The following BMPER variants were observed in gnomAD, a reference collection of about 807,000 sequenced individuals.
BMPER encodes the protein BMP binding endothelial regulator, also known as BMP-binding endothelial regulator protein.
BMPER carries 45 observed loss-of-function variants against 87.3 expected under a neutral mutation model. That is an observed-to-expected ratio of 0.52 (90% CI 0.41 to 0.66). The LOEUF is 0.66. Among genes scored for constraint, BMPER ranks in the 30% least tolerant of loss-of-function variants. The pLI is 0.00. For synonymous variants in BMPER, 326 were observed against 316.2 expected, an observed-to-expected ratio of 1.03 and a Z score of -0.33; for missense variants, 784 against 867.5, an observed-to-expected ratio of 0.90 and a Z score of 1.21.
intron 8 of BMPER, among the ~76,000 whole-genome samples, chr7:34,052,958 G>A (rs185637342): frequency 2.4e-4 from 36 of 152,214 alleles, no homozygotes; most frequent in African/African-American, 8.2e-4. Context: ...TATAGCACCC[G>A]CTTCTTGCCT....
At position 33,932,284 on chromosome 7, in the gene BMPER, A is replaced by T. The variant is rs12534279; in HGVS notation, c.220-5005A>T. Reference sequence around the variant, plus strand: ...GACTACCGGGATGGAATAACAGGGCACCCCGCCACTTTATTCCCAGCAGTC... The same window carrying T: ...GACTACCGGGATGGAATAACAGGGCTCCCCGCCACTTTATTCCCAGCAGTC... On this transcript the variant is annotated intron_variant, in intron 2 of 14. Transcript: ENST00000649409. 0.011 allele frequency among the ~76,000 whole-genome samples: 1,739 copies of T among 151,930 alleles called. 63 individuals are homozygous for T. The East Asian group carries it at 0.13, about 11-fold the overall frequency.
At chr7:34,019,421 T>C (rs1242038802) in intron 6 of BMPER, among the ~76,000 whole-genome samples, 3 of 152,004 alleles carry the variant, frequency 2.0e-5, no homozygotes, top group African/African-American at 7.2e-5. Flanking sequence ...CTTCTGGGAA[T>C]CAAGACACAT....
At position 33,937,556 on chromosome 7, in the gene BMPER, ATGTG is replaced by A. The variant is rs1313159886; in HGVS notation, c.319+172_319+175del. On this transcript the variant is annotated intron_variant, in intron 3 of 14. Coordinates refer to ENST00000649409, the MANE Select transcript of BMPER (RefSeq NM_001365308.1). ...TGTGTGTATGTGTGTGTTTGTGTGT[ATGTG>A]TGTATCTGGGGCTGGAAGGAAGGGG... The A allele has an allele frequency of 1.0e-4, 55 of 529,722 alleles. No homozygotes were observed. In the East Asian group the frequency reaches 1.1e-3, roughly 11 times the overall value. The allele number at this position is 529,722 out of a possible 1,614,324, so 32.8% of individuals were successfully genotyped here. A position where few individuals can be genotyped will look rare whatever the true frequency, so the allele number is the denominator to read the frequency against.
At chr7:33,974,851 C>T in intron 6 of BMPER, 67 bp downstream of exon 6, 1 of 1,439,534 alleles carries the variant, frequency 6.9e-7, no homozygotes, top group Non-Finnish European at 9.8e-7. Flanking sequence ...TCACCAAGAG[C>T]ACCCCCGGTC....
At chr7:34,091,778 T>A (rs7811181) in intron 13 of BMPER, among the ~76,000 whole-genome samples, 42,048 of 152,098 alleles carry the variant, frequency 0.28, 6,203 homozygotes, top group Middle Eastern at 0.33. Context: ...AAAAATTTTT[T>A]AAAAATGCAA....
chr7:34,067,715 A>T (rs1788629975), intron 11 of BMPER, among the ~76,000 whole-genome samples: 1 of 152,226 alleles, frequency 6.6e-6, no homozygotes, highest in Admixed American at 6.5e-5. Context: ...CTCAGGCCCA[A>T]ACAGCAGACA....
chr7:34,129,799 C>T (rs1790533339), intron 13 of BMPER, among the ~76,000 whole-genome samples: 1 of 152,090 alleles, frequency 6.6e-6, no homozygotes, highest in Non-Finnish European at 1.5e-5. Flanking sequence ...TTCATCTTGT[C>T]CCTTGTCTGG....
chr7:34,060,140 T>G (rs1180959856), intron 10 of BMPER, among the ~76,000 whole-genome samples: 1 of 152,198 alleles, frequency 6.6e-6, no homozygotes, highest in Non-Finnish European at 1.5e-5. Flanking sequence ...AATTGCATAT[T>G]ACACAGGTGC....
At chr7:34,153,061 T>C (rs749267601) in intron 14 of BMPER, 31 bp from the exon 15 acceptor site, 1 of 1,613,216 alleles carries the variant, frequency 6.2e-7, no homozygotes, top group South Asian at 1.1e-5. Flanking sequence ...CCTTTCTCCA[T>C]GTTATGCCTT....
At chr7:33,984,446 CAG>C (rs1785945885) in intron 6 of BMPER, among the ~76,000 whole-genome samples, 1 of 151,664 alleles carries the variant, frequency 6.6e-6, no homozygotes, top group Non-Finnish European at 1.5e-5. Context: ...GCCTGGGCAA[CAG>C]AGCAAGAGTC....
intron 8 of BMPER, 65 bp from the exon 9 acceptor site, chr7:34,055,098 C>T: frequency 6.2e-7 from 1 of 1,606,442 alleles, no homozygotes; most frequent in Non-Finnish European, 8.5e-7. Context: ...GAAAGGAAGG[C>T]CAGGTAGGAT....
chr7:33,992,406 T>G (rs1275245831), intron 6 of BMPER, among the ~76,000 whole-genome samples: 2 of 136,026 alleles, frequency 1.5e-5, no homozygotes, highest in Non-Finnish European at 3.1e-5. Context: ...TTTGTTGGTT[T>G]AAAGTCTGTT....
chr7:33,916,671 A>G (rs982613744), intron 2 of BMPER, among the ~76,000 whole-genome samples: 27 of 152,166 alleles, frequency 1.8e-4, no homozygotes, highest in African/African-American at 6.5e-4. Flanking sequence ...TGGTAATAGC[A>G]TGTTCTGCCT....
chr7:33,969,606 A>G (rs933921473), intron 4 of BMPER, among the ~76,000 whole-genome samples: 4 of 152,132 alleles, frequency 2.6e-5, no homozygotes, highest in Non-Finnish European at 5.9e-5. Context: ...TCACTGTGTT[A>G]GCCAGGATGG....
chr7:34,006,846 A>G (rs1786747769), intron 6 of BMPER, among the ~76,000 whole-genome samples: 1 of 152,116 alleles, frequency 6.6e-6, no homozygotes, highest in South Asian at 2.1e-4. Flanking sequence ...AAAGCAATCA[A>G]TCTGTGTTTT....
At chr7:33,976,041 T>G (rs571950907) in intron 6 of BMPER, among the ~76,000 whole-genome samples, 48 of 152,110 alleles carry the variant, frequency 3.2e-4, no homozygotes, top group Non-Finnish European at 5.6e-4. Context: ...TATATAATAA[T>G]ATATAAAAAA....
chr7:33,950,002 A>G (rs1784982610), intron 3 of BMPER, among the ~76,000 whole-genome samples: 2 of 152,210 alleles, frequency 1.3e-5, no homozygotes, highest in African/African-American at 4.8e-5. Flanking sequence ...TAGTAAGGAA[A>G]CTTAAAACAG....
In BMPER at chr7:33,926,428, A is replaced by C. The variant is rs1021653933; in HGVS notation, c.220-10861A>C. ...CTAATTATGGTTGATATTTTCCTTT[A>C]AAAAATGGGCACATGTTGTGAATCC... On this transcript the variant is annotated intron_variant, in intron 2 of 14. Coordinates refer to ENST00000649409, the MANE Select transcript of BMPER (RefSeq NM_001365308.1). Among the ~76,000 whole-genome samples the C allele has an allele frequency of 7.2e-5, 11 of 152,316 alleles. No homozygotes were observed. The East Asian group carries it at 1.5e-3, about 21-fold the overall frequency.
At chr7:34,133,954 C>A (rs983015896) in intron 13 of BMPER, among the ~76,000 whole-genome samples, 2 of 152,080 alleles carry the variant, frequency 1.3e-5, no homozygotes, top group Non-Finnish European at 2.9e-5. Context: ...ACTTGAGATT[C>A]TTTTTAGAGA....
Sources: allele counts gnomAD v4.1 joint callset (sites outside exome capture counted in the v4.1 genomes callset), GRCh38; gene constraint gnomAD v4.1.1; transcripts MANE v1.5; gene names NCBI Gene and HGNC (gene_info 2026-07-23, HGNC 2026-07-21).